Variants in RIMOC1 observed in about 807,000 individuals in gnomAD.
The protein encoded by RIMOC1 is RAB7A-interacting MON1-CCZ1 complex subunit 1.
the RIMOC1 span, chr5:41,911,005 T>A: frequency 1.9e-6 from 3 of 1,589,138 alleles, no homozygotes; most frequent in Non-Finnish European, 2.6e-6. Flanking sequence ...TTTATAGACA[T>A]CCAGTTTCCC....
chr5:41,914,040 G>A, the RIMOC1 span, among the ~76,000 whole-genome samples: 11 of 152,114 alleles, frequency 7.2e-5, no homozygotes, highest in African/African-American at 2.2e-4. Context: ...GAAAAAGGTG[G>A]GGGTAGGCAC....
the RIMOC1 span, among the ~76,000 whole-genome samples, chr5:41,916,022 T>C: frequency 1.3e-5 from 2 of 152,278 alleles, no homozygotes; most frequent in African/African-American, 2.4e-5. Context: ...ATAGTCACTT[T>C]TGTTGAATCA....
the RIMOC1 span, chr5:41,920,295 C>T: frequency 6.6e-6 from 1 of 152,074 alleles, no homozygotes; most frequent in Non-Finnish European, 1.5e-5. Flanking sequence ...GCTTTTTACT[C>T]TGGTGTATTA....
chr5:41,907,817 CA>C, the RIMOC1 span: 2 of 1,607,012 alleles, frequency 1.2e-6, no homozygotes, highest in Non-Finnish European at 1.7e-6. Context: ...TCAAATCCAT[CA>C]AATCTTCTAG....
chr5:41,918,708 G>A, the RIMOC1 span: 56 of 985,364 alleles, frequency 5.7e-5, no homozygotes, highest in African/African-American at 7.0e-4. Context: ...CCCATTTCCC[G>A]CTGTGGCTGA....
the RIMOC1 span, chr5:41,907,840 C>T: frequency 6.3e-7 from 1 of 1,590,998 alleles, no homozygotes; most frequent in Admixed American, 1.7e-5. Flanking sequence ...ACTTTACACA[C>T]AGGTACTGAA....
the RIMOC1 span, chr5:41,911,170 G>C: frequency 1.7e-5 from 27 of 1,599,638 alleles, no homozygotes; most frequent in Non-Finnish European, 2.2e-5. Flanking sequence ...AATCCAGTTT[G>C]CTTAAAAAGG....
At chr5:41,916,634 C>A in the RIMOC1 span, among the ~76,000 whole-genome samples, 1 of 152,010 alleles carries the variant, frequency 6.6e-6, no homozygotes, top group African/African-American at 2.4e-5. Context: ...GGATGTAATT[C>A]AGGGAGTTTA....
At chr5:41,916,971 T>C in the RIMOC1 span, 14 of 1,486,112 alleles carry the variant, frequency 9.4e-6, no homozygotes, top group Non-Finnish European at 1.3e-5. Flanking sequence ...ACGGTTTCTT[T>C]TTAAGCTTTT....
chr5:41,911,903 A>T, the RIMOC1 span, among the ~76,000 whole-genome samples: 1 of 152,112 alleles, frequency 6.6e-6, no homozygotes, highest in Middle Eastern at 3.4e-3. Flanking sequence ...ATATTAGCAG[A>T]GTCTTGGGAT....
the RIMOC1 span, chr5:41,911,075 C>T: frequency 6.2e-7 from 1 of 1,609,830 alleles, no homozygotes; most frequent in Non-Finnish European, 8.5e-7. Context: ...GGATGAGCTA[C>T]TGGAATGTCT....
the RIMOC1 span, among the ~76,000 whole-genome samples, chr5:41,906,282 A>G: frequency 2.0e-5 from 3 of 152,184 alleles, no homozygotes; most frequent in African/African-American, 7.2e-5. Flanking sequence ...CACAGATTAT[A>G]TAAGAATCAG....
At chr5:41,905,733 G>T in the RIMOC1 span, among the ~76,000 whole-genome samples, 9 of 152,218 alleles carry the variant, frequency 5.9e-5, no homozygotes, top group Non-Finnish European at 7.3e-5. Context: ...AGAGACCAAA[G>T]AATGTTTTTT....
the RIMOC1 span, among the ~76,000 whole-genome samples, chr5:41,913,621 A>G: frequency 2.0e-5 from 3 of 152,208 alleles, no homozygotes; most frequent in African/African-American, 7.2e-5. Flanking sequence ...AAAAAATGAA[A>G]TGTGAAGAAT....
the RIMOC1 span, among the ~76,000 whole-genome samples, chr5:41,912,420 G>A: frequency 6.6e-6 from 1 of 152,120 alleles, no homozygotes; most frequent in African/African-American, 2.4e-5. Flanking sequence ...TGTTCCTTCT[G>A]CTCATTTTGC....
chr5:41,904,706 T>A, the RIMOC1 span, among the ~76,000 whole-genome samples: 1 of 152,038 alleles, frequency 6.6e-6, no homozygotes, highest in Non-Finnish European at 1.5e-5. Flanking sequence ...GGAAAATCTG[T>A]CTAGATCCGT....
At chr5:41,919,620 A>G in the RIMOC1 span, 1 of 152,174 alleles carries the variant, frequency 6.6e-6, no homozygotes, top group Non-Finnish European at 1.5e-5. Flanking sequence ...ATCAATTGCA[A>G]GTACTTCCAC....
chr5:41,917,379 G>C, the RIMOC1 span: 1 of 1,471,548 alleles, frequency 6.8e-7, no homozygotes, highest in Admixed American at 2.6e-5. Context: ...AAGAAGACCT[G>C]TTGATACTGA....
the RIMOC1 span, chr5:41,909,641 T>A: frequency 4.5e-6 from 3 of 667,770 alleles, no homozygotes; most frequent in East Asian, 3.3e-5. Flanking sequence ...GCTAGAAGAT[T>A]TAAATGTGTA....
Sources: gnomAD v4.1 joint callset for allele counts (sites outside exome capture counted in the v4.1 genomes callset) on GRCh38, gnomAD v4.1.1 for gene constraint, MANE v1.5 for transcripts, NCBI Gene and HGNC (gene_info 2026-07-23, HGNC 2026-07-21) for gene names.